Variants in ERC1 observed in about 807,000 individuals in gnomAD.
ERC1 encodes the protein RAB6 interacting protein 2.
A neutral mutation model predicts 132.0 loss-of-function variants in ERC1; 56 were observed. The ratio of observed to expected loss-of-function variants is 0.42; its 90% CI spans 0.34 to 0.53. The LOEUF (loss-of-function observed/expected upper bound fraction) is 0.53. Among genes scored for constraint, ERC1 ranks in the 20% least tolerant of loss-of-function variants. The pLI, the probability that ERC1 is intolerant of heterozygous loss-of-function variation, is 0.03. For missense variants in ERC1, 1,202 were observed against 1,349.9 expected, an observed-to-expected ratio of 0.89 and a Z score of 1.72; for synonymous variants, 478 against 476.1, an observed-to-expected ratio of 1.00 and a Z score of -0.05.
chr12:1,073,030 G>C (rs373231471), intron 2 of ERC1, among the ~76,000 whole-genome samples: 1 of 152,074 alleles, frequency 6.6e-6, no homozygotes, highest in Non-Finnish European at 1.5e-5. Flanking sequence ...GGCCAGGTGC[G>C]GTGGCTCATG....
At chr12:1,452,456 GCT>G (rs373448025) in intron 18 of ERC1, among the ~76,000 whole-genome samples, 1 of 152,098 alleles carries the variant, frequency 6.6e-6, no homozygotes, top group African/African-American at 2.4e-5. Flanking sequence ...CTGAGCCCCT[GCT>G]CTGGATCTGT....
intron 2 of ERC1, among the ~76,000 whole-genome samples, chr12:1,069,049 C>A (rs566757344): frequency 9.2e-5 from 14 of 152,224 alleles, no homozygotes; most frequent in Admixed American, 2.6e-4. Context: ...AAAAATATTT[C>A]TCCTGTCTCA....
intron 2 of ERC1, among the ~76,000 whole-genome samples, chr12:1,063,934 G>GT (rs1442956332): frequency 6.6e-6 from 1 of 152,132 alleles, no homozygotes; most frequent in Non-Finnish European, 1.5e-5. Context: ...CCTTCCAGAT[G>GT]TAAGACTCTC....
intron 13 of ERC1, among the ~76,000 whole-genome samples, chr12:1,255,989 T>C (rs912508753): frequency 6.6e-6 from 1 of 152,142 alleles, no homozygotes; most frequent in African/African-American, 2.4e-5. Flanking sequence ...TGCATTTCTC[T>C]AATGACCAGT....
intron 15 of ERC1, among the ~76,000 whole-genome samples, chr12:1,369,770 T>C (rs1423570254): frequency 6.6e-6 from 1 of 152,214 alleles, no homozygotes; most frequent in Non-Finnish European, 1.5e-5. Context: ...ATAAGTTGCC[T>C]GCCATTTCTT....
chr12:1,369,626 A>C (rs1304799732), intron 15 of ERC1, among the ~76,000 whole-genome samples: 1 of 152,208 alleles, frequency 6.6e-6, no homozygotes. Context: ...AGTCAACAGG[A>C]AACTGCATAG....
chr12:1,288,923 A>T (rs1220110121), intron 14 of ERC1, among the ~76,000 whole-genome samples: 1 of 151,998 alleles, frequency 6.6e-6, no homozygotes, highest in Non-Finnish European at 1.5e-5. Context: ...CTGATAAAGT[A>T]CTTACCTTGC....
At chr12:1,466,814 G>A (rs2093752364) in intron 18 of ERC1, among the ~76,000 whole-genome samples, 1 of 152,172 alleles carries the variant, frequency 6.6e-6, no homozygotes, top group Non-Finnish European at 1.5e-5. Context: ...GTAGGTGCTT[G>A]TTTAGCGACT....
At chr12:1,206,613 T>C (rs1957372681) in intron 12 of ERC1, among the ~76,000 whole-genome samples, 2 of 152,216 alleles carry the variant, frequency 1.3e-5, no homozygotes, top group South Asian at 4.1e-4. Context: ...TTATTTCCTG[T>C]TCAATGACAT....
intron 12 of ERC1, among the ~76,000 whole-genome samples, chr12:1,191,724 A>G (rs572500878): frequency 1.1e-4 from 17 of 152,312 alleles, no homozygotes; most frequent in Non-Finnish European, 2.1e-4. Context: ...AAAGAGTTGT[A>G]AATGATCTAC....
intron 15 of ERC1, among the ~76,000 whole-genome samples, chr12:1,361,125 A>T (rs2086059866): frequency 6.7e-6 from 1 of 149,234 alleles, no homozygotes; most frequent in South Asian, 2.1e-4. Context: ...AAAGGTGGGC[A>T]TGGAAGATGA....
intron 17 of ERC1, among the ~76,000 whole-genome samples, chr12:1,429,858 T>C (rs1231187689): frequency 2.6e-5 from 4 of 152,230 alleles, no homozygotes. Context: ...CAGCTCATTA[T>C]ACATAGTAGT....
At chr12:1,460,069 C>T (rs905678957) in intron 18 of ERC1, among the ~76,000 whole-genome samples, 1 of 152,160 alleles carries the variant, frequency 6.6e-6, no homozygotes, top group Non-Finnish European at 1.5e-5. Context: ...CCAGAATAGA[C>T]TTAAAGATTT....
In ERC1 at chr12:1,491,951, T is replaced by C. The variant is rs777122936; in HGVS notation, c.*1721T>C. 4.3e-6 allele frequency: 1 copy of C among 232,832 alleles called. No individual in the cohort carries two copies. The highest frequency in any genetic ancestry group is 8.5e-6 in the Non-Finnish European group (1 of 117,776). The allele number at this position is 232,832 out of a possible 1,614,324, so 14.4% of individuals were successfully genotyped here. A position where few individuals can be genotyped will look rare whatever the true frequency, so the allele number is the denominator to read the frequency against. On this transcript the variant is annotated 3_prime_UTR_variant, in exon 19 of 19. Transcript: ENST00000360905. ...GTTGCTGGACTCGATGTTTTTGTTT[T>C]GCATTTTCTCCTCTCCTTCCCCACT... is the stretch of plus-strand genomic sequence containing the variant.
intron 8 of ERC1, among the ~76,000 whole-genome samples, chr12:1,164,946 T>A (rs1952257046): frequency 6.6e-6 from 1 of 152,192 alleles, no homozygotes; most frequent in Admixed American, 6.5e-5. Flanking sequence ...CTGCTCAGTG[T>A]TTTAATCTGT....
At chr12:1,032,338 T>A (rs113124390) in intron 2 of ERC1, among the ~76,000 whole-genome samples, 6 of 152,166 alleles carry the variant, frequency 3.9e-5, no homozygotes, top group Non-Finnish European at 8.8e-5. Flanking sequence ...CAGGAGCCAC[T>A]GCGCCGGGTG....
intron 15 of ERC1, among the ~76,000 whole-genome samples, chr12:1,317,896 T>G (rs532459717): frequency 2.0e-5 from 3 of 152,224 alleles, no homozygotes; most frequent in Non-Finnish European, 2.9e-5. Context: ...TAAAGGGGCT[T>G]CTTCTATAGT....
chr12:1,073,700 A>C (rs570962377), intron 2 of ERC1, among the ~76,000 whole-genome samples: 1 of 152,316 alleles, frequency 6.6e-6, no homozygotes, highest in African/African-American at 2.4e-5. Flanking sequence ...AACCCGTAAC[A>C]TAGTCATTTA....
At chr12:1,008,630 ATCTTAAT>A (rs78060891) in intron 1 of ERC1, among the ~76,000 whole-genome samples, 22,503 of 152,048 alleles carry the variant, frequency 0.15, 2,067 homozygotes, top group Non-Finnish European at 0.2. Context: ...TTCATAGTAT[ATCTTAAT>A]TGAAATACTA....
Sources: allele counts gnomAD v4.1 joint callset (sites outside exome capture counted in the v4.1 genomes callset), GRCh38; gene constraint gnomAD v4.1.1; transcripts MANE v1.5; gene names NCBI Gene and HGNC (gene_info 2026-07-23, HGNC 2026-07-21).